GAA: variants seen among roughly 807,000 people sequenced by gnomAD.
GAA encodes the protein alpha glucosidase.
Under a neutral mutation model 103.9 loss-of-function variants are expected in GAA, and 88 were observed. The ratio of observed to expected loss-of-function variants is 0.85; its 90% CI spans 0.71 to 1.01. The LOEUF (loss-of-function observed/expected upper bound fraction) is 1.01, where lower values mean the gene tolerates loss of function less well. Among genes scored for constraint, GAA ranks in the 50% least tolerant of loss-of-function variants. The pLI, the probability that GAA is intolerant of heterozygous loss-of-function variation, is 0.00. For synonymous variants in GAA, 572 were observed against 563.1 expected, an observed-to-expected ratio of 1.02 and a Z score of -0.22; for missense variants, 1,350 against 1,305.3, an observed-to-expected ratio of 1.03 and a Z score of -0.53.
In GAA at chr17:80,108,283, C is replaced by G. The variant is rs2039141380; in HGVS notation, c.956-7C>G. The G allele has an allele frequency of 1.9e-6, 3 of 1,613,426 alleles. No homozygotes were observed. The highest frequency in any genetic ancestry group is 2.5e-6 in the Non-Finnish European group (3 of 1,180,022). The stretch of plus-strand genomic sequence containing the variant: ...GTCCCCCAACCCCAGAGCTGCTTCC[C>G]TTCCAGATGTGGTCCTGCAGCCGAG... On this transcript the variant is annotated splice_polypyrimidine_tract_variant and splice_region_variant and intron_variant, in intron 5 of 19. Coordinates refer to ENST00000302262, the MANE Select transcript of GAA (RefSeq NM_000152.5).
chr17:80,106,012 C>A (rs2143836064), intron 3 of GAA, 118 bp downstream of exon 3: 21 of 1,387,896 alleles, frequency 1.5e-5, no homozygotes, highest in Middle Eastern at 2.7e-4. Context: ...ATGTTTGTTT[C>A]TCACACGGCG....
intron 3 of GAA, 25 bp downstream of exon 3, chr17:80,105,919 A>G (rs767209346): frequency 3.2e-6 from 5 of 1,575,898 alleles, no homozygotes; most frequent in Admixed American, 1.7e-5. Flanking sequence ...CTGTGCCAGC[A>G]TGATGGGGAG....
chr17:80,119,371 TC>T lies in GAA; in HGVS notation c.*44del. 6.4e-7 allele frequency: 1 copy of T among 1,569,598 alleles called. No homozygotes were observed. The highest frequency in any genetic ancestry group is 8.8e-7 in the Non-Finnish European group (1 of 1,139,834). On this transcript the variant is annotated 3_prime_UTR_variant, in exon 20 of 20. Coordinates refer to ENST00000302262, the MANE Select transcript of GAA (RefSeq NM_000152.5). ...TTAGTCTCTCCAGAGGGAGGCTGGTTCCCCAGGGAAGCAGAGCCTGTGTGCG... is the reference window on the plus strand; with the variant it reads ...TTAGTCTCTCCAGAGGGAGGCTGGTTCCCAGGGAAGCAGAGCCTGTGTGCG...
In GAA at chr17:80,117,074, T is replaced by A. The variant is rs941181575; in HGVS notation, c.2296T>A (p.Tyr766Asn). ...LQAGKAEVTG[Y>N]FPLGTWYDLQ... ...GGCCGGGAAGGCCGAAGTGACTGGC[T>A]ACTTCCCCTTGGGCACATGGTACGA... Residue 766 changes from tyrosine to asparagine, a missense_variant, in exon 16 of 20, where the codon TAC becomes AAC. By Grantham distance (143) the Tyr-to-Asn change is moderately radical. Coordinates refer to ENST00000302262, the MANE Select transcript of GAA (RefSeq NM_000152.5). 6.2e-6 allele frequency: 10 copies of A among 1,613,210 alleles called. No individual in the cohort carries two copies. The highest frequency in any genetic ancestry group is 8.5e-6 in the Non-Finnish European group (10 of 1,180,024).
Position 80,101,844 on chromosome 17 carries a change from G to A in GAA, c.-79G>A, listed in dbSNP as rs969303535. The A allele has an allele frequency of 6.6e-6, 1 of 152,404 alleles. No individual in the cohort carries two copies. The highest frequency in any genetic ancestry group is 1.9e-4 in the East Asian group (1 of 5,182). 9.4% of individuals were successfully genotyped at this position (152,404 alleles called of 1,614,324 possible). A position where few individuals can be genotyped will look rare whatever the true frequency, so the allele number is the denominator to read the frequency against. On this transcript the variant is annotated 5_prime_UTR_variant, in exon 1 of 20. Coordinates refer to ENST00000302262, the MANE Select transcript of GAA (RefSeq NM_000152.5). ...CGTCCGCCCGTTGTTCAGCGAGGGA[G>A]GCTCTGCGCGTGCCGCAGCTGACGG...
Position 80,105,205 on chromosome 17 carries a change from C to G in GAA, c.546+73C>G. On this transcript the variant is annotated intron_variant, in intron 2 of 19. Coordinates refer to ENST00000302262, the MANE Select transcript of GAA (RefSeq NM_000152.5). The stretch of plus-strand genomic sequence containing the variant: ...TGGACATCGACACCCACGCACCTCA[C>G]AAGGGTGGGGTGCATGTTGCACCAC... The G allele has an allele frequency of 2.1e-6, 3 of 1,419,298 alleles. No individual in the cohort carries two copies. In the East Asian group the frequency reaches 7.1e-5, roughly 33 times the overall value. 87.9% of individuals were successfully genotyped at this position (1,419,298 alleles called of 1,614,324 possible).
intron 15 of GAA, among the ~76,000 whole-genome samples, chr17:80,113,576 T>A (rs1199316452): frequency 2.0e-5 from 3 of 152,116 alleles, no homozygotes; most frequent in South Asian, 4.1e-4. Context: ...ACACGAGGAG[T>A]TCCTAACAAC....
In GAA at chr17:80,110,802, G is replaced by T; in HGVS notation, c.1513G>T (p.Glu505Ter). 6.2e-7 allele frequency: 1 copy of T among 1,614,152 alleles called. No individual in the cohort carries two copies. Among genetic ancestry groups the T allele is most frequent in the South Asian group, 1.1e-5 (1 of 91,086 alleles). ...ALAWWEDMVAEFHDQVPFDGM... is the reference protein window; with the variant it reads ...ALAWWEDMVA ...GGCCTGGTGGGAGGACATGGTGGCT[G>T]AGTTCCATGACCAGGTGCCCTTCGA... The change falls in exon 10 of 20, where the codon GAG becomes TAG. Residue 505 changes from glutamate (E) to a stop codon, truncating the protein, a stop_gained. Coordinates refer to ENST00000302262, the MANE Select transcript of GAA (RefSeq NM_000152.5). LOFTEE classifies it high-confidence loss of function.
Position 80,107,841 on chromosome 17 carries a change from G to C in GAA, c.900G>C (p.Ala300=), listed in dbSNP as rs759425304. The C allele has an allele frequency of 1.2e-6, 2 of 1,612,190 alleles. No homozygotes were observed. The highest frequency in any genetic ancestry group is 4.5e-5 in the East Asian group (2 of 44,850). The change falls in exon 5 of 20, where the codon GCG becomes GCC. Residue 300 remains alanine, a synonymous_variant. Coordinates refer to ENST00000302262, the MANE Select transcript of GAA (RefSeq NM_000152.5). ...ACGGGTCTCACCCTTTCTACCTGGC[G>C]CTGGAGGACGGCGGGTCGGCACACG... ...NLYGSHPFYL[A]LEDGGSAHGV...
Position 80,104,715 on chromosome 17 carries a change from T to C in GAA, c.129T>C (p.Ser43=). 6.2e-7 allele frequency: 1 copy of C among 1,612,742 alleles called. No homozygotes were observed. The highest frequency in any genetic ancestry group is 8.5e-7 in the Non-Finnish European group (1 of 1,179,790). Residue 43 remains serine, a synonymous_variant, in exon 2 of 20, where the codon AGT becomes AGC. Coordinates refer to ENST00000302262, the MANE Select transcript of GAA (RefSeq NM_000152.5). The surrounding 1 kb of genome is among the most constrained non-coding windows in gnomAD (Gnocchi z 4.0). The stretch of plus-strand genomic sequence containing the variant: ...TCCTGCTGGTTCCCCGAGAGCTGAG[T>C]GGCTCCTCCCCAGTCCTGGAGGAGA... ...HDFLLVPREL[S]GSSPVLEETH...
At chr17:80,111,933 G>A (rs1391191120) in intron 11 of GAA, 50 bp from the exon 12 acceptor site, 4 of 1,525,632 alleles carry the variant, frequency 2.6e-6, no homozygotes, top group Middle Eastern at 3.4e-4. Flanking sequence ...AGGGCACCTT[G>A]GAGCCTGCCG....
At chr17:80,113,128 G>T (rs1213328009) in intron 14 of GAA, 90 bp from the exon 15 acceptor site, 20 of 1,540,164 alleles carry the variant, frequency 1.3e-5, no homozygotes, top group Admixed American at 1.9e-5. Context: ...ATGCTGGGTG[G>T]CTGAGAAGTG....
chr17:80,117,456 G>A (rs1395314993), intron 16 of GAA, 144 bp from the exon 17 acceptor site: 3 of 977,130 alleles, frequency 3.1e-6, no homozygotes, highest in African/African-American at 3.2e-5. Flanking sequence ...CCCTGAGTCT[G>A]CGCCTGAAGT....
chr17:80,117,827 G>A (rs898163447), intron 17 of GAA, 78 bp downstream of exon 17: 14 of 1,455,952 alleles, frequency 9.6e-6, no homozygotes, highest in South Asian at 1.3e-5. Context: ...AGATGGTGGG[G>A]GAGAGGCCCA....
At chr17:80,117,196 G>A in intron 16 of GAA, 87 bp downstream of exon 16, 1 of 1,453,510 alleles carries the variant, frequency 6.9e-7, no homozygotes, top group Admixed American at 1.7e-5. Flanking sequence ...GTGTGACCAG[G>A]TGGCGGAAAG....
chr17:80,106,246 C>A (rs775805459), intron 3 of GAA, among the ~76,000 whole-genome samples: 1 of 152,210 alleles, frequency 6.6e-6, no homozygotes, highest in Non-Finnish European at 1.5e-5. Context: ...TCAGTGTCCA[C>A]GCACTGACCC....
intron 3 of GAA, 103 bp downstream of exon 3, chr17:80,105,997 G>A (rs558370517): frequency 4.9e-4 from 706 of 1,446,292 alleles, no homozygotes; most frequent in South Asian, 9.3e-4. Context: ...TGGGCAGGGC[G>A]ACACATGTTT....
intron 2 of GAA, 105 bp from the exon 3 acceptor site, chr17:80,105,644 T>G: frequency 7.4e-7 from 1 of 1,352,950 alleles, no homozygotes; most frequent in Non-Finnish European, 1.0e-6. Flanking sequence ...TGGTCCCACA[T>G]CCATGTGTGG....
At position 80,108,712 on chromosome 17, in the gene GAA, G is replaced by T; in HGVS notation, c.1210G>T (p.Asp404Tyr). 1 of 1,612,690 alleles carries T rather than the reference G, an allele frequency of 6.2e-7. No homozygotes were observed. The highest frequency in any genetic ancestry group is 1.1e-5 in the South Asian group (1 of 91,048). Reference sequence around the variant, plus strand: ...GTGGCTGCAGGACGTCCAGTGGAACGACCTGGACTACATGGACTCCCGGAG... The same window carrying T: ...GTGGCTGCAGGACGTCCAGTGGAACTACCTGGACTACATGGACTCCCGGAG... ...AHFPLDVQWN[D>Y]LDYMDSRRDF... Residue 404 changes from aspartate (D) to tyrosine (Y), a missense_variant, in exon 8 of 20, where the codon GAC becomes TAC. By Grantham distance (160) the Asp-to-Tyr change is radical. Transcript: ENST00000302262.
Sources: gnomAD v4.1 joint callset for allele counts (sites outside exome capture counted in the v4.1 genomes callset) on GRCh38, gnomAD v4.1.1 for gene constraint, Gnocchi (gnomAD v3.1) non-coding constraint, MANE v1.5 for transcripts, NCBI Gene and HGNC (gene_info 2026-07-23, HGNC 2026-07-21) for gene names.